NCAM2: variants seen among roughly 807,000 people sequenced by gnomAD.
The protein encoded by NCAM2 is neural cell adhesion molecule 2, also known as N-CAM-2.
Under a neutral mutation model 98.1 loss-of-function variants are expected in NCAM2, and 30 were observed. The ratio of observed to expected loss-of-function variants is 0.31; its 90% CI spans 0.23 to 0.41. The LOEUF (loss-of-function observed/expected upper bound fraction) is 0.41, where lower values mean the gene tolerates loss of function less well. Among genes scored for constraint, NCAM2 ranks in the 10% least tolerant of loss-of-function variants. NCAM2 has a pLI of 1.00. For missense variants in NCAM2, 867 were observed against 1,005.8 expected, an observed-to-expected ratio of 0.86 and a Z score of 1.87; for synonymous variants, 368 against 342.4, an observed-to-expected ratio of 1.07 and a Z score of -0.83.
At chr21:21,401,232 A>G (rs1242103005) in intron 9 of NCAM2, among the ~76,000 whole-genome samples, 1 of 152,132 alleles carries the variant, frequency 6.6e-6, no homozygotes, top group Non-Finnish European at 1.5e-5. Flanking sequence ...GTATATATTT[A>G]TGGGTCACAG....
chr21:21,051,639 A>G (rs1230131807), intron 1 of NCAM2, among the ~76,000 whole-genome samples: 2 of 152,228 alleles, frequency 1.3e-5, no homozygotes, highest in African/African-American at 4.8e-5. Context: ...CCAGCACAGT[A>G]TCTTGTGCCA....
In NCAM2 at chr21:21,143,576, C is replaced by G. The variant is rs576964203; in HGVS notation, c.56-137002C>G. ...TATACTTTCACATTTCAGTCTGGTC[C>G]TTTTGGAATTTACCCTGATGCACAA... On this transcript the variant is annotated intron_variant, in intron 1 of 17. Coordinates refer to ENST00000400546, the MANE Select transcript of NCAM2 (RefSeq NM_004540.5). Among the ~76,000 whole-genome samples, 4 of 152,148 alleles carry G rather than the reference C, an allele frequency of 2.6e-5. No individual in the cohort carries two copies. The South Asian group carries it at 8.3e-4, about 32-fold the overall frequency.
intron 15 of NCAM2, among the ~76,000 whole-genome samples, chr21:21,487,368 T>C (rs1986476762): frequency 6.6e-6 from 1 of 151,888 alleles, no homozygotes; most frequent in African/African-American, 2.4e-5. Context: ...TTATTTTAAG[T>C]ATCTTCCTAG....
Position 21,475,237 on chromosome 21 carries a change from G to A in NCAM2, c.1897-2054G>A, listed in dbSNP as rs140404195. ...ATGAAGAGAAAAATGGCGCTAGAGT[G>A]TATTATTTCCAGGAAGGGTGATATC... On this transcript the variant is annotated intron_variant, in intron 14 of 17. Transcript: ENST00000400546. 1.7e-3 allele frequency among the ~76,000 whole-genome samples: 253 copies of A among 152,092 alleles called. 1 individual carries two copies. Among genetic ancestry groups the A allele is most frequent in the African/African-American group, 6.0e-3 (248 of 41,464 alleles).
At chr21:21,520,396 T>C (rs1569135532) in intron 16 of NCAM2, among the ~76,000 whole-genome samples, 1 of 152,142 alleles carries the variant, frequency 6.6e-6, no homozygotes. Flanking sequence ...AGGAATTAAC[T>C]AGCTCGTGTG....
intron 1 of NCAM2, among the ~76,000 whole-genome samples, chr21:21,144,860 G>A (rs977872401): frequency 6.6e-6 from 1 of 152,246 alleles, no homozygotes. Flanking sequence ...ATAGGAAAAT[G>A]TAGAGAAACA....
intron 1 of NCAM2, among the ~76,000 whole-genome samples, chr21:21,273,860 G>GA (rs2072620743): frequency 6.6e-6 from 1 of 152,046 alleles, no homozygotes; most frequent in Admixed American, 6.6e-5. Context: ...AAGTGCTATA[G>GA]AAAAAGAATC....
intron 11 of NCAM2, among the ~76,000 whole-genome samples, chr21:21,420,438 T>C (rs181414166): frequency 8.5e-5 from 13 of 152,120 alleles, no homozygotes; most frequent in Admixed American, 7.9e-4. Context: ...AAAAATGTGA[T>C]TTACAGTCTT....
chr21:21,120,155 G>A (rs1337934209), intron 1 of NCAM2, among the ~76,000 whole-genome samples: 2 of 152,166 alleles, frequency 1.3e-5, no homozygotes, highest in Non-Finnish European at 2.9e-5. Flanking sequence ...GACTTTGCAA[G>A]TTTTATTAGT....
intron 8 of NCAM2, among the ~76,000 whole-genome samples, chr21:21,367,208 C>G (rs1568985662): frequency 6.6e-6 from 1 of 151,946 alleles, no homozygotes; most frequent in Non-Finnish European, 1.5e-5. Context: ...TTAGATCTGA[C>G]TATCTTCTTG....
At chr21:21,289,204 C>T (rs1946003468) in intron 4 of NCAM2, among the ~76,000 whole-genome samples, 1 of 151,856 alleles carries the variant, frequency 6.6e-6, no homozygotes, top group Admixed American at 6.6e-5. Flanking sequence ...ATATAACCTA[C>T]TTCTAGTATA....
At chr21:21,229,932 A>G (rs117473682) in intron 1 of NCAM2, among the ~76,000 whole-genome samples, 2,857 of 151,620 alleles carry the variant, frequency 0.019, 36 homozygotes, top group Middle Eastern at 0.044. Context: ...GTATAAAATC[A>G]ATAAAAATAT....
At chr21:21,515,050 T>TA (rs1239872424) in intron 16 of NCAM2, among the ~76,000 whole-genome samples, 12 of 152,222 alleles carry the variant, frequency 7.9e-5, no homozygotes. Flanking sequence ...TTAAAAATGT[T>TA]ACAATTTGTA....
intron 15 of NCAM2, among the ~76,000 whole-genome samples, chr21:21,505,756 C>A (rs914382903): frequency 6.6e-6 from 1 of 151,748 alleles, no homozygotes; most frequent in African/African-American, 2.4e-5. Context: ...TACTAAATAT[C>A]AATTTTATAA....
chr21:21,443,089 T>C (rs1358875531), intron 12 of NCAM2, among the ~76,000 whole-genome samples: 1 of 152,132 alleles, frequency 6.6e-6, no homozygotes, highest in Non-Finnish European at 1.5e-5. Flanking sequence ...GTTCTCAATA[T>C]GCAGCCATAA....
intron 1 of NCAM2, among the ~76,000 whole-genome samples, chr21:21,184,326 A>G (rs1214707849): frequency 6.6e-6 from 1 of 151,970 alleles, no homozygotes; most frequent in African/African-American, 2.4e-5. Flanking sequence ...AAAAAAAAAG[A>G]AAAGAAAAAA....
At chr21:21,419,218 A>C (rs1339028390) in intron 11 of NCAM2, among the ~76,000 whole-genome samples, 1 of 152,062 alleles carries the variant, frequency 6.6e-6, no homozygotes, top group East Asian at 1.9e-4. Flanking sequence ...GAGCATGTAC[A>C]ATGTATTTAC....
chr21:21,381,290 A>G (rs1016996934), intron 9 of NCAM2, among the ~76,000 whole-genome samples: 5 of 151,988 alleles, frequency 3.3e-5, no homozygotes, highest in Admixed American at 6.5e-5. Flanking sequence ...GACTTTGCCC[A>G]TGGGCTATAA....
chr21:21,286,401 C>G lies in NCAM2; in HGVS notation c.470C>G (p.Thr157Ser). ...SWLYHNEEVT[T>S]ISDNRFAMLA... Reference sequence around the variant, plus strand: ...TTGTATCATAATGAGGAAGTCACCACTATTTCCGACAGTTAGTATTTTGGT... The same window carrying G: ...TTGTATCATAATGAGGAAGTCACCAGTATTTCCGACAGTTAGTATTTTGGT... The change falls in exon 4 of 18, where the codon ACT becomes AGT. Residue 157 changes from threonine to serine, a missense_variant. By Grantham distance (58) the Thr-to-Ser change is moderately conservative (BLOSUM62 1). This residue lies in a region of NCAM2 where 447 missense variants were observed against 495.7 expected (regional missense o/e 0.90). Coordinates refer to ENST00000400546, the MANE Select transcript of NCAM2 (RefSeq NM_004540.5). 1.8e-5 allele frequency: 29 copies of G among 1,611,898 alleles called. No homozygotes were observed. Among genetic ancestry groups the G allele is most frequent in the Non-Finnish European group, 2.3e-5 (27 of 1,178,638 alleles).
Sources: gnomAD v4.1 joint callset for allele counts (sites outside exome capture counted in the v4.1 genomes callset) on GRCh38, gnomAD v4.1.1 for gene constraint, gnomAD v4.1.1 regional missense constraint, MANE v1.5 for transcripts, NCBI Gene and HGNC (gene_info 2026-07-23, HGNC 2026-07-21) for gene names.